AZIN2: variants seen among roughly 807,000 people sequenced by gnomAD.
The protein encoded by AZIN2 is ODC antizyme inhibitor-2.
In AZIN2, 28 loss-of-function variants were observed where a neutral mutation model predicts 47.8. The observed-to-expected ratio is 0.59, with a 90% CI of 0.43 to 0.80. The LOEUF is 0.80. Ranked by LOEUF, AZIN2 falls within the 30% of genes least tolerant of loss-of-function variation. The pLI is 0.00. For missense variants in AZIN2, 535 were observed against 582.5 expected (o/e 0.92, Z 0.84); for synonymous variants, 221 against 239.4 (o/e 0.92, Z 0.71).
the AZIN2 span, chr1:33,147,075 T>C: frequency 1.5e-6 from 2 of 1,352,474 alleles, no homozygotes; most frequent in East Asian, 4.6e-5. The surrounding 1 kb of genome is among the most constrained non-coding windows in gnomAD (Gnocchi z 8.1). Flanking sequence ...GCCTGAGGTC[T>C]CCAGTGGCCA....
In AZIN2 at chr1:33,121,036, G is replaced by T. The variant is rs950252413; in HGVS notation, c.*854G>T. Among the ~76,000 whole-genome samples, 6 of 152,064 alleles carry T rather than the reference G, an allele frequency of 3.9e-5. No homozygotes were observed. The highest frequency in any genetic ancestry group is 8.8e-5 in the Non-Finnish European group (6 of 68,022). ...AGAACAGGGCTGGCCACGGAGTATT[G>T]CTGTGTCCAGTGCCGACAGCCCTGG... On this transcript the variant is annotated 3_prime_UTR_variant, in exon 12 of 12. Coordinates refer to ENST00000294517, the MANE Select transcript of AZIN2 (RefSeq NM_052998.4).
chr1:33,138,132 C>T, the AZIN2 span, among the ~76,000 whole-genome samples: 1 of 152,100 alleles, frequency 6.6e-6, no homozygotes, highest in African/African-American at 2.4e-5. Flanking sequence ...TGAAAGGGAG[C>T]CAGTAGGCAG....
chr1:33,159,688 C>T, the AZIN2 span: 130 of 1,605,320 alleles, frequency 8.1e-5, no homozygotes, highest in Non-Finnish European at 1.0e-4. The surrounding 1 kb of genome is among the most constrained non-coding windows in gnomAD (Gnocchi z 4.2). Context: ...TGGCACTTAC[C>T]GCTCGGACAG....
the AZIN2 span, among the ~76,000 whole-genome samples, chr1:33,143,935 C>G: frequency 6.9e-4 from 105 of 152,358 alleles, 1 homozygote; most frequent in African/African-American, 2.4e-3. Context: ...ACTTTGGAGA[C>G]AAGACAGAAT....
intron 7 of AZIN2, among the ~76,000 whole-genome samples, chr1:33,093,732 T>TTTC (rs559942820): frequency 9.1e-6 from 1 of 110,016 alleles, no homozygotes; most frequent in Non-Finnish European, 1.7e-5. Context: ...TCTTTCTTTC[T>TTTC]TTTTTTTTTT....
intron 10 of AZIN2, among the ~76,000 whole-genome samples, chr1:33,116,352 TC>T (rs1644539503): frequency 6.6e-6 from 1 of 152,260 alleles, no homozygotes; most frequent in African/African-American, 2.4e-5. Flanking sequence ...CTGCGACTTT[TC>T]TTTCTCAATT....
chr1:33,105,379 G>A (rs569468708), intron 10 of AZIN2, among the ~76,000 whole-genome samples: 1 of 152,164 alleles, frequency 6.6e-6, no homozygotes, highest in African/African-American at 2.4e-5. Context: ...TACATATTTA[G>A]TGTGTGTATT....
chr1:33,090,895 G>A (rs1642475268), intron 5 of AZIN2, among the ~76,000 whole-genome samples: 1 of 152,124 alleles, frequency 6.6e-6, no homozygotes, highest in African/African-American at 2.4e-5. Context: ...ATTCTATGCT[G>A]CTTCTCTGAG....
At chr1:33,114,263 C>T (rs1316648611) in intron 10 of AZIN2, among the ~76,000 whole-genome samples, 1 of 150,980 alleles carries the variant, frequency 6.6e-6, no homozygotes, top group Non-Finnish European at 1.5e-5. Context: ...AGATTACAGG[C>T]GCCTGCCACC....
Position 33,092,229 on chromosome 1 carries a change from T to C in AZIN2, c.452+7T>C, listed in dbSNP as rs2124516625. On this transcript the variant is annotated splice_region_variant and intron_variant, in intron 6 of 11. Transcript: ENST00000294517. ...AGAGCCACCCCAGTGCCAAGTAAGCTGAGAACCACTCATGGGGAGGCTGGG... is the reference window on the plus strand; with the variant it reads ...AGAGCCACCCCAGTGCCAAGTAAGCCGAGAACCACTCATGGGGAGGCTGGG... 1 of 1,612,406 alleles carries C rather than the reference T, an allele frequency of 6.2e-7. No homozygotes were observed. Among genetic ancestry groups the C allele is most frequent in the East Asian group, 2.2e-5 (1 of 44,832 alleles).
chr1:33,152,499 G>A, the AZIN2 span, among the ~76,000 whole-genome samples: 9 of 151,980 alleles, frequency 5.9e-5, no homozygotes, highest in South Asian at 2.1e-4. Flanking sequence ...TCTGGGAGGC[G>A]GAGGTTGTGG....
In AZIN2 at chr1:33,120,295, G is replaced by A. The variant is rs1423918010; in HGVS notation, c.*113G>A. ...TGGCCAGGACTCTGGTGCCCACCCTGCCACCCCCGCGCTCCACCTGCAGTG... is the reference window on the plus strand; with the variant it reads ...TGGCCAGGACTCTGGTGCCCACCCTACCACCCCCGCGCTCCACCTGCAGTG... On this transcript the variant is annotated 3_prime_UTR_variant, in exon 12 of 12. Transcript: ENST00000294517. 2 of 1,429,476 alleles carry A rather than the reference G, an allele frequency of 1.4e-6. No individual in the cohort carries two copies. 88.5% of individuals were successfully genotyped at this position (1,429,476 alleles called of 1,614,324 possible). A position where few individuals can be genotyped will look rare whatever the true frequency, so the allele number is the denominator to read the frequency against.
chr1:33,138,350 G>A, the AZIN2 span, among the ~76,000 whole-genome samples: 12 of 152,206 alleles, frequency 7.9e-5, no homozygotes, highest in South Asian at 1.2e-3. Context: ...TTTGATTTAC[G>A]TAGAATAGAC....
At chr1:33,083,856 G>C in intron 4 of AZIN2, 98 bp from the exon 5 acceptor site, 1 of 1,450,086 alleles carries the variant, frequency 6.9e-7, no homozygotes, top group Non-Finnish European at 9.5e-7. Context: ...TCTGTGGCCA[G>C]TACTGAACCT....
chr1:33,117,852 G>A (rs1244985076), intron 10 of AZIN2, 50 bp from the exon 11 acceptor site: 10 of 1,603,118 alleles, frequency 6.2e-6, no homozygotes, highest in African/African-American at 5.3e-5. Context: ...GGAGTGGCAA[G>A]GCTGTTGTAT....
chr1:33,092,113 T>C lies in AZIN2; in HGVS notation c.343T>C (p.Cys115Arg). ...CAGTAAGATCATCTGCGCCAACCCC[T>C]GTAAGCAAATTGCACAGATCAAATA... ...PASKIICANP[C>R]KQIAQIKYAA... The change falls in exon 6 of 12, where the codon TGT becomes CGT. Residue 115 changes from cysteine to arginine, a missense_variant. By Grantham distance (180) the Cys-to-Arg change is radical (BLOSUM62 -3). Coordinates refer to ENST00000294517, the MANE Select transcript of AZIN2 (RefSeq NM_052998.4). 2 of 1,614,200 alleles carry C rather than the reference T, an allele frequency of 1.2e-6. No individual in the cohort carries two copies. The highest frequency in any genetic ancestry group is 1.7e-6 in the Non-Finnish European group (2 of 1,180,030).
At chr1:33,093,966 C>T (rs1483900744) in intron 7 of AZIN2, among the ~76,000 whole-genome samples, 3 of 151,846 alleles carry the variant, frequency 2.0e-5, no homozygotes, top group African/African-American at 7.3e-5. Flanking sequence ...GTCTTGGGCT[C>T]AAGCAATCCT....
chr1:33,146,804 C>T, the AZIN2 span: 1 of 287,046 alleles, frequency 3.5e-6, no homozygotes, highest in South Asian at 4.5e-5. Flanking sequence ...TTCGGGCTGC[C>T]AACTACTGGC....
Position 33,118,010 on chromosome 1 carries a change from G to A in AZIN2, c.1138G>A (p.Asp380Asn), listed in dbSNP as rs998485282. The change falls in exon 11 of 12, where the codon GAC becomes AAC. Residue 380 changes from aspartate to asparagine, a missense_variant. Asp to Asn is a conservative substitution (Grantham distance 23). Transcript: ENST00000294517. ...GLWLPQLHVGDWLVFDNMGAY... is the reference protein window; with the variant it reads ...GLWLPQLHVGNWLVFDNMGAY... ...GTGGCTGCCGCAACTACACGTAGGG[G>A]ACTGGCTGGTCTTTGACAACATGGG... 4 of 1,598,206 alleles carry A rather than the reference G, an allele frequency of 2.5e-6. No individual in the cohort carries two copies. Among genetic ancestry groups the A allele is most frequent in the Non-Finnish European group, 1.7e-6 (2 of 1,172,496 alleles).
Sources: allele counts gnomAD v4.1 joint callset (sites outside exome capture counted in the v4.1 genomes callset), GRCh38; gene constraint gnomAD v4.1.1; non-coding constraint Gnocchi (gnomAD v3.1); transcripts MANE v1.5; gene names NCBI Gene and HGNC (gene_info 2026-07-23, HGNC 2026-07-21).